CNKSR2: variants seen among roughly 807,000 people sequenced by gnomAD.
CNKSR2 encodes CNK homolog protein 2.
Under a neutral mutation model 84.4 loss-of-function variants are expected in CNKSR2, and 14 were observed. The observed-to-expected ratio is 0.17, with a 90% confidence interval of 0.11 to 0.26. CNKSR2 has a LOEUF of 0.26. Ranked by LOEUF, CNKSR2 falls within the 10% of genes least tolerant of loss-of-function variation. The pLI, the probability that CNKSR2 is intolerant of heterozygous loss-of-function variation, is 1.00. For missense variants in CNKSR2, 485 were observed against 771.2 expected (o/e 0.63, Z 4.40); for synonymous variants, 275 against 277.9 (o/e 0.99, Z 0.10).
chrX:21,611,710 G>C (rs1427427354), intron 20 of CNKSR2, among the ~76,000 whole-genome samples: 1 of 111,880 alleles, frequency 8.9e-6, no homozygotes, highest in Non-Finnish European at 1.9e-5. Context: ...GAGTTTAGTG[G>C]GTAGTTATTC....
At position 21,626,172 on chromosome X, in the gene CNKSR2, G is replaced by A. The variant is rs140970828; in HGVS notation, c.2692+16555G>A. The stretch of plus-strand genomic sequence containing the variant: ...GTGAAATCAGACAAGACCTCACAGA[G>A]GATGTGACATTCAAGCTGGATGAAT... On this transcript the variant is annotated intron_variant, in intron 20 of 21. Coordinates refer to ENST00000379510, the MANE Select transcript of CNKSR2 (RefSeq NM_014927.5). Among the ~76,000 whole-genome samples, 694 of 103,099 alleles carry A rather than the reference G, an allele frequency of 6.7e-3. 4 individuals are homozygous for A. The highest frequency in any genetic ancestry group is 0.024 in the African/African-American group (659 of 27,413). The allele number at this position is 103,099 out of a possible 115,157, so 89.5% of individuals were successfully genotyped here.
intron 9 of CNKSR2, among the ~76,000 whole-genome samples, chrX:21,520,117 C>T (rs1231048484): frequency 9.0e-6 from 1 of 111,419 alleles, no homozygotes; most frequent in Non-Finnish European, 1.9e-5. Flanking sequence ...CAGAAGCATA[C>T]AATTCAACTT....
intron 8 of CNKSR2, among the ~76,000 whole-genome samples, chrX:21,512,038 A>G (rs905865403): frequency 9.0e-6 from 1 of 111,672 alleles, no homozygotes; most frequent in African/African-American, 3.3e-5. Context: ...GTAACTGTTT[A>G]TTGCTCCTTA....
At chrX:21,408,022 G>A (rs946679676) in intron 1 of CNKSR2, among the ~76,000 whole-genome samples, 1 of 111,378 alleles carries the variant, frequency 9.0e-6, no homozygotes, top group South Asian at 3.8e-4. Context: ...TCAGTAGCCT[G>A]CTGTTTAAAG....
At chrX:21,452,695 A>AC (rs2090949278) in intron 4 of CNKSR2, among the ~76,000 whole-genome samples, 1 of 110,381 alleles carries the variant, frequency 9.1e-6, no homozygotes, top group African/African-American at 3.3e-5. Flanking sequence ...ATGTGGAAGA[A>AC]TTGGCCGTGT....
Position 21,652,451 on chromosome X carries a change from T to C in CNKSR2, c.3035T>C (p.Ile1012Thr), listed in dbSNP as rs2092723317. ...QNTTSNDPLS[I>T]SSEVDVITSS... ...ACCACCTCAAATGACCCACTGAGTATTTCTTCTGAAGTAGATGTAATCACT... is the reference window on the plus strand; with the variant it reads ...ACCACCTCAAATGACCCACTGAGTACTTCTTCTGAAGTAGATGTAATCACT... The change falls in exon 22 of 22, where the codon ATT becomes ACT. Residue 1012 changes from isoleucine (I) to threonine (T), a missense_variant. By Grantham distance (89) the Ile-to-Thr change is moderately conservative. Around this residue, in one of 5 missense-constraint regions of CNKSR2, gnomAD observed 210 missense variants for 291.5 expected, o/e 0.72. Transcript: ENST00000379510. The C allele has an allele frequency of 3.3e-6, 4 of 1,208,965 alleles. No individual in the cohort carries two copies. In the African/African-American group the frequency reaches 5.2e-5, roughly 16 times the overall value.
rs994279780 is a variant in CNKSR2 at position 21,599,429 on chromosome X, G to A, written c.1977-1853G>A. ...CACCCAGGCTGGAGTGCAGTGGCAC[G>A]ATGTCAGCTCACTGCAACTTCCGCC... On this transcript the variant is annotated intron_variant, in intron 17 of 21. Coordinates refer to ENST00000379510, the MANE Select transcript of CNKSR2 (RefSeq NM_014927.5). Among the ~76,000 whole-genome samples the A allele has an allele frequency of 7.7e-5, 8 of 103,468 alleles. No individual in the cohort carries two copies. The Admixed American group carries it at 8.5e-4, about 11-fold the overall frequency. 89.8% of individuals were successfully genotyped at this position (103,468 alleles called of 115,157 possible). A position where few individuals can be genotyped will look rare whatever the true frequency, so the allele number is the denominator to read the frequency against.
At chrX:21,645,391 C>G (rs2092703967) in intron 20 of CNKSR2, 1 of 111,834 alleles carries the variant, frequency 8.9e-6, no homozygotes, top group South Asian at 3.7e-4. Context: ...ATGTTGTAAA[C>G]GTAAATATAA....
chrX:21,617,541 T>C (rs1023183285), intron 20 of CNKSR2, among the ~76,000 whole-genome samples: 5 of 112,068 alleles, frequency 4.5e-5, no homozygotes, highest in African/African-American at 1.6e-4. Flanking sequence ...ACCTTCTCTT[T>C]TCTTTACTCT....
At chrX:21,583,817 TC>T (rs1192464080) in intron 13 of CNKSR2, among the ~76,000 whole-genome samples, 1 of 111,568 alleles carries the variant, frequency 9.0e-6, no homozygotes, top group Non-Finnish European at 1.9e-5. Flanking sequence ...CCCACACTTC[TC>T]CATCCAAAAG....
intron 20 of CNKSR2, among the ~76,000 whole-genome samples, 200 bp downstream of exon 20, chrX:21,609,817 A>G (rs1221410690): frequency 8.9e-6 from 1 of 111,852 alleles, no homozygotes; most frequent in Non-Finnish European, 1.9e-5. Flanking sequence ...TGAAGCTTAT[A>G]ATCTCAAGAT....
chrX:21,479,894 C>T (rs2091298629), intron 5 of CNKSR2, among the ~76,000 whole-genome samples: 1 of 110,658 alleles, frequency 9.0e-6, no homozygotes, highest in African/African-American at 3.3e-5. Flanking sequence ...TCACTGAGCC[C>T]AGGCTGAGGC....
intron 11 of CNKSR2, among the ~76,000 whole-genome samples, chrX:21,544,040 G>A (rs1362593970): frequency 9.0e-6 from 1 of 110,951 alleles, no homozygotes; most frequent in Non-Finnish European, 1.9e-5. Flanking sequence ...TGCCTTAGAT[G>A]GTATAATAAA....
intron 4 of CNKSR2, among the ~76,000 whole-genome samples, chrX:21,444,170 G>A (rs2090821396): frequency 9.0e-6 from 1 of 111,462 alleles, no homozygotes. Flanking sequence ...GCACAAATTT[G>A]TAAATACTGT....
intron 18 of CNKSR2, among the ~76,000 whole-genome samples, chrX:21,602,175 G>A (rs1235410724): frequency 9.1e-6 from 1 of 110,365 alleles, no homozygotes; most frequent in African/African-American, 3.3e-5. Flanking sequence ...GTCTCACTCC[G>A]ATGCCCAGGC....
intron 4 of CNKSR2, among the ~76,000 whole-genome samples, chrX:21,442,497 A>G (rs900220978): frequency 8.0e-5 from 9 of 111,830 alleles, no homozygotes; most frequent in Admixed American, 1.9e-4. Context: ...GATGAATTAG[A>G]TTGCCACTAG....
Position 21,374,630 on chromosome X carries a change from A to AGCAGCAGCAGCAGCCGCCGCCGCCGCC in CNKSR2, c.-266_-265insAGCAGCAGCAGCCGCCGCCGCCGCCGC. ...CAGCAGCAGCAGCAGCAGCAGCAGC[A>AGCAGCAGCAGCAGCCGCCGCCGCCGCC]GCCGCCGCCGCCGCCGCCTTAGCGG... On this transcript the variant is annotated 5_prime_UTR_variant, in exon 1 of 22. Transcript: ENST00000379510. 1 of 448,647 alleles carries AGCAGCAGCAGCAGCCGCCGCCGCCGCC rather than the reference A, an allele frequency of 2.2e-6. No homozygotes were observed. 37.0% of individuals were successfully genotyped at this position (448,647 alleles called of 1,213,427 possible). A position where few individuals can be genotyped will look rare whatever the true frequency, so the allele number is the denominator to read the frequency against.
intron 1 of CNKSR2, among the ~76,000 whole-genome samples, chrX:21,408,010 A>G (rs1292137115): frequency 9.0e-6 from 1 of 111,638 alleles, no homozygotes; most frequent in African/African-American, 3.2e-5. Flanking sequence ...AATATCTTGA[A>G]TTCAGTAGCC....
In CNKSR2 at chrX:21,520,869, A is replaced by G. The variant is rs1029906742; in HGVS notation, c.957+4238A>G. On this transcript the variant is annotated intron_variant, in intron 9 of 21. Coordinates refer to ENST00000379510, the MANE Select transcript of CNKSR2 (RefSeq NM_014927.5). ...TATAAATCTCTCATTTTGCTGCCAT[A>G]GTTACTTGTATGATTTTGTGATTTT... Among the ~76,000 whole-genome samples the G allele has an allele frequency of 5.4e-5, 6 of 110,188 alleles. No homozygotes were observed. In the Admixed American group the frequency reaches 5.8e-4, roughly 11 times the overall value.
Sources: allele counts gnomAD v4.1 joint callset (sites outside exome capture counted in the v4.1 genomes callset), GRCh38; gene constraint gnomAD v4.1.1; regional missense constraint gnomAD v4.1.1; transcripts MANE v1.5; gene names NCBI Gene and HGNC (gene_info 2026-07-23, HGNC 2026-07-21).